PCDHGB3: variants seen among roughly 807,000 people sequenced by gnomAD.
PCDHGB3 encodes protocadherin gamma subfamily B, 3, also known as protocadherin gamma-B3.
PCDHGB3 carries 40 observed loss-of-function variants against 59.2 expected under a neutral mutation model. The ratio of observed to expected loss-of-function variants is 0.68; its 90% confidence interval spans 0.52 to 0.88. The LOEUF (loss-of-function observed/expected upper bound fraction) is 0.88, where lower values mean the gene tolerates loss of function less well. Ranked by LOEUF, PCDHGB3 falls within the 40% of genes least tolerant of loss-of-function variation. PCDHGB3 has a pLI of 0.00. For missense variants in PCDHGB3, 1,309 were observed against 1,187.9 expected, an observed-to-expected ratio of 1.10 and a Z score of -1.50; for synonymous variants, 581 against 503.6, an observed-to-expected ratio of 1.15 and a Z score of -2.06.
In PCDHGB3 at chr5:141,489,210, G is replaced by A; in HGVS notation, c.2416-5597G>A. ...TCTACCTTGGAGACAGGACAGCACAGACTTACTCTCCACAAAGGGACTTCT... is the reference window on the plus strand; with the variant it reads ...TCTACCTTGGAGACAGGACAGCACAAACTTACTCTCCACAAAGGGACTTCT... On this transcript the variant is annotated intron_variant, in intron 1 of 3. Coordinates refer to ENST00000576222, the MANE Select transcript of PCDHGB3 (RefSeq NM_018924.5). The surrounding 1 kb of genome is among the most constrained non-coding windows in gnomAD (Gnocchi z 4.5). 6 of 1,461,860 alleles carry A rather than the reference G, an allele frequency of 4.1e-6. No homozygotes were observed. Among genetic ancestry groups the A allele is most frequent in the Non-Finnish European group, 5.6e-6 (6 of 1,080,904 alleles). 90.6% of individuals were successfully genotyped at this position (1,461,860 alleles called of 1,614,324 possible). A position where few individuals can be genotyped will look rare whatever the true frequency, so the allele number is the denominator to read the frequency against.
intron 1 of PCDHGB3, chr5:141,399,029 A>G: frequency 6.2e-7 from 1 of 1,613,912 alleles, no homozygotes. Context: ...ACCACTCAAA[A>G]GAAACTGGAT....
At position 141,372,338 on chromosome 5, in the gene PCDHGB3, T is replaced by C; in HGVS notation, c.1944T>C (p.Asp648=). The part of the protein sequence containing the change: ...ARQRLLVTVR[D]GGQQPLSATV... ...AGCGCCTGCTGGTCACTGTGCGTGA[T>C]GGAGGACAGCAGCCTCTTTCAGCCA... Residue 648 remains aspartate (D), a synonymous_variant, in exon 1 of 4, where the codon GAT becomes GAC. Transcript: ENST00000576222. 6.2e-7 allele frequency: 1 copy of C among 1,613,820 alleles called. No homozygotes were observed. The highest frequency in any genetic ancestry group is 8.5e-7 in the Non-Finnish European group (1 of 1,179,908).
chr5:141,487,689 A>G lies in PCDHGB3; in HGVS notation c.2416-7118A>G. 6.2e-7 allele frequency: 1 copy of G among 1,605,144 alleles called. No homozygotes were observed. The highest frequency in any genetic ancestry group is 1.7e-4 in the Middle Eastern group (1 of 6,050). ...GGCATATGGCTAGGCCATGTCCTAG[A>G]GAGTACTGGCCTCTCAGTAAGTGCC... On this transcript the variant is annotated intron_variant, in intron 1 of 3. Coordinates refer to ENST00000576222, the MANE Select transcript of PCDHGB3 (RefSeq NM_018924.5). This position sits in a 1 kb window ranked among gnomAD's most constrained non-coding sequence, Gnocchi z 5.0.
Position 141,477,710 on chromosome 5 carries a change from G to A in PCDHGB3, c.2416-17097G>A, listed in dbSNP as rs747156156. ...GCCCCTAGACTATGAGGATCGGCGG[G>A]AATTTGAATTAACAGCTCATATCAG... On this transcript the variant is annotated intron_variant, in intron 1 of 3. Transcript: ENST00000576222. This position sits in a 1 kb window ranked among gnomAD's most constrained non-coding sequence, Gnocchi z 4.9. 2.5e-6 allele frequency: 4 copies of A among 1,613,918 alleles called. No homozygotes were observed. Among genetic ancestry groups the A allele is most frequent in the Middle Eastern group, 3.3e-4 (2 of 6,062 alleles).
In PCDHGB3 at chr5:141,491,341, G is replaced by C. The variant is rs775712620; in HGVS notation, c.2416-3466G>C. ...TTACCTCATTGTGGCTCTAGCGACC[G>C]TCAGTCTCTTATCCCTAGTCACCTT... On this transcript the variant is annotated intron_variant, in intron 1 of 3. Transcript: ENST00000576222. This position sits in a 1 kb window ranked among gnomAD's most constrained non-coding sequence, Gnocchi z 6.9. 10 of 1,614,100 alleles carry C rather than the reference G, an allele frequency of 6.2e-6. No homozygotes were observed. In the East Asian group the frequency reaches 8.9e-5, roughly 14 times the overall value.
chr5:141,465,501 C>T (rs1044567555), intron 1 of PCDHGB3, among the ~76,000 whole-genome samples: 1 of 152,164 alleles, frequency 6.6e-6, no homozygotes, highest in Non-Finnish European at 1.5e-5. Context: ...GGAGCATTGT[C>T]GTGGTCAGGA....
intron 1 of PCDHGB3, chr5:141,395,105 G>T: frequency 1.9e-6 from 3 of 1,614,220 alleles, no homozygotes; most frequent in Non-Finnish European, 2.5e-6. Context: ...CCGACTCGCG[G>T]AAGAGTCACC....
intron 1 of PCDHGB3, among the ~76,000 whole-genome samples, chr5:141,454,649 G>A (rs1202153817): frequency 6.6e-6 from 1 of 151,800 alleles, no homozygotes; most frequent in Non-Finnish European, 1.5e-5. Context: ...CAGGTGATCT[G>A]CCCACCTCGG....
intron 1 of PCDHGB3, chr5:141,415,035 C>G (rs368588973): frequency 5.6e-6 from 9 of 1,613,578 alleles, no homozygotes; most frequent in South Asian, 1.1e-5. Context: ...AGCCGGGACT[C>G]TTCGCGGTGG....
rs2154555227 is a variant in PCDHGB3, at chr5:141,432,737, C to G, written c.2415+59928C>G. ...GCCCCCTCTCTCCGCCACTGTCACG[C>G]TCACCGTGGCCGTGGCCGACAGCAT... On this transcript the variant is annotated intron_variant, in intron 1 of 3. Coordinates refer to ENST00000576222, the MANE Select transcript of PCDHGB3 (RefSeq NM_018924.5). This position sits in a 1 kb window ranked among gnomAD's most constrained non-coding sequence, Gnocchi z 6.0. 6.2e-7 allele frequency: 1 copy of G among 1,614,110 alleles called. No homozygotes were observed. The highest frequency in any genetic ancestry group is 8.5e-7 in the Non-Finnish European group (1 of 1,180,002).
At chr5:141,488,872 T>C (rs773185475) in intron 1 of PCDHGB3, among the ~76,000 whole-genome samples, 4 of 151,794 alleles carry the variant, frequency 2.6e-5, no homozygotes, top group Non-Finnish European at 5.9e-5. Flanking sequence ...AGTGGGGAGG[T>C]AGGAAGCTTC....
chr5:141,460,142 G>A (rs932507660), intron 1 of PCDHGB3, among the ~76,000 whole-genome samples: 5 of 151,950 alleles, frequency 3.3e-5, no homozygotes, highest in African/African-American at 1.2e-4. Flanking sequence ...TATTCTTGAT[G>A]TGAGCTCTTT....
chr5:141,413,804 C>A, intron 1 of PCDHGB3: 7 of 1,613,194 alleles, frequency 4.3e-6, no homozygotes, highest in Non-Finnish European at 5.9e-6. Context: ...GAGGAAGAGG[C>A]CATTCACCAC....
chr5:141,458,549 T>A (rs2098948402), intron 1 of PCDHGB3, among the ~76,000 whole-genome samples: 1 of 148,072 alleles, frequency 6.8e-6, no homozygotes, highest in African/African-American at 2.6e-5. Flanking sequence ...ATTTTGTTTG[T>A]TTGTTTTGGT....
At chr5:141,418,347 G>A in intron 1 of PCDHGB3, 1 of 1,614,024 alleles carries the variant, frequency 6.2e-7, no homozygotes, top group Non-Finnish European at 8.5e-7. Flanking sequence ...CCTGATATTA[G>A]TATGAATTCG....
chr5:141,423,267 G>A (rs530404769), intron 1 of PCDHGB3: 1 of 1,613,710 alleles, frequency 6.2e-7, no homozygotes, highest in Non-Finnish European at 8.5e-7. Flanking sequence ...GCAGCCTCGA[G>A]TCTCTGGCTA....
chr5:141,432,974 C>T lies in PCDHGB3; in HGVS notation c.2415+60165C>T. ...CGGCTTGACAGGAGCGCCGGCGTCG[C>T]ACTTTGTGGGCGTGGACGGGGTGCA... On this transcript the variant is annotated intron_variant, in intron 1 of 3. Coordinates refer to ENST00000576222, the MANE Select transcript of PCDHGB3 (RefSeq NM_018924.5). This position sits in a 1 kb window ranked among gnomAD's most constrained non-coding sequence, Gnocchi z 6.0. 6.2e-7 allele frequency: 1 copy of T among 1,614,204 alleles called. No individual in the cohort carries two copies. Among genetic ancestry groups the T allele is most frequent in the Non-Finnish European group, 8.5e-7 (1 of 1,180,030 alleles).
At chr5:141,400,511 C>G (rs1456963604) in intron 1 of PCDHGB3, 1 of 1,613,824 alleles carries the variant, frequency 6.2e-7, no homozygotes, top group African/African-American at 1.3e-5. Context: ...GAGTCGACTT[C>G]CCATCCTGAG....
intron 1 of PCDHGB3, chr5:141,408,916 C>T (rs1379557230): frequency 6.8e-6 from 11 of 1,613,024 alleles, no homozygotes; most frequent in African/African-American, 2.7e-5. Flanking sequence ...CCAATGATAA[C>T]CCCCCGGTTT....
Sources: gnomAD v4.1 joint callset for allele counts (sites outside exome capture counted in the v4.1 genomes callset) on GRCh38, gnomAD v4.1.1 for gene constraint, Gnocchi (gnomAD v3.1) non-coding constraint, MANE v1.5 for transcripts, NCBI Gene and HGNC (gene_info 2026-07-23, HGNC 2026-07-21) for gene names.